PARD3B: variants seen among roughly 807,000 people sequenced by gnomAD.
PARD3B encodes par-3 family cell polarity regulator beta.
In PARD3B, 103 loss-of-function variants were observed where a neutral mutation model predicts 130.2. The observed-to-expected ratio is 0.79, with a 90% CI of 0.67 to 0.93. The LOEUF is 0.93. Ranked by LOEUF, PARD3B falls within the 40% of genes least tolerant of loss-of-function variation. PARD3B has a pLI of 0.00. For missense variants in PARD3B, 1,609 were observed against 1,499.2 expected, an observed-to-expected ratio of 1.07 and a Z score of -1.21; for synonymous variants, 583 against 553.2, an observed-to-expected ratio of 1.05 and a Z score of -0.76.
At chr2:205,604,415 G>T (rs13006538) in intron 22 of PARD3B, among the ~76,000 whole-genome samples, 42,860 of 152,032 alleles carry the variant, frequency 0.28, 6,666 homozygotes, top group Middle Eastern at 0.37. Context: ...CATCATATCT[G>T]ATGAGACTTA....
chr2:204,598,849 T>C (rs2033399425), intron 1 of PARD3B, among the ~76,000 whole-genome samples: 1 of 152,082 alleles, frequency 6.6e-6, no homozygotes, highest in Non-Finnish European at 1.5e-5. Flanking sequence ...TTTAGAACTT[T>C]GATATAGTCT....
intron 22 of PARD3B, among the ~76,000 whole-genome samples, chr2:205,583,612 C>A (rs1447720915): frequency 6.6e-6 from 1 of 152,136 alleles, no homozygotes; most frequent in Non-Finnish European, 1.5e-5. Flanking sequence ...ATGTTGGTTC[C>A]ATTATTTATC....
chr2:205,455,889 T>C (rs989514397), intron 20 of PARD3B, among the ~76,000 whole-genome samples: 1 of 152,030 alleles, frequency 6.6e-6, no homozygotes, highest in South Asian at 2.1e-4. Context: ...AGTCAAGATA[T>C]AGAACTATTT....
At chr2:205,453,814 A>C (rs1384474936) in intron 20 of PARD3B, among the ~76,000 whole-genome samples, 1 of 152,214 alleles carries the variant, frequency 6.6e-6, no homozygotes, top group African/African-American at 2.4e-5. Context: ...TTTTTGTTGC[A>C]GTTGTACATG....
chr2:204,650,195 A>G (rs962016521), intron 1 of PARD3B, among the ~76,000 whole-genome samples: 3 of 152,198 alleles, frequency 2.0e-5, no homozygotes, highest in Non-Finnish European at 2.9e-5. Flanking sequence ...CAAAACCACA[A>G]TGAGATACCA....
chr2:205,574,414 G>T lies in PARD3B; in HGVS notation c.3260+21011G>T, dbSNP rs368726673. Among the ~76,000 whole-genome samples, 7 of 152,256 alleles carry T rather than the reference G, an allele frequency of 4.6e-5. No homozygotes were observed. The East Asian group carries it at 1.4e-3, about 29-fold the overall frequency. On this transcript the variant is annotated intron_variant, in intron 22 of 22. Transcript: ENST00000406610. ...CCATGAACTATGCCATCTATGCTAC[G>T]CCATCTGTGTGGCTATGCCCATGTA...
intron 2 of PARD3B, among the ~76,000 whole-genome samples, chr2:204,903,680 T>C (rs556817718): frequency 6.6e-6 from 1 of 152,316 alleles, no homozygotes; most frequent in South Asian, 2.1e-4. Flanking sequence ...ATTAATATGA[T>C]TGAGACTATC....
chr2:205,332,676 C>T (rs1008440217), intron 18 of PARD3B, among the ~76,000 whole-genome samples: 10 of 152,134 alleles, frequency 6.6e-5, no homozygotes, highest in African/African-American at 2.4e-4. Flanking sequence ...AAGACGGCTT[C>T]CCCTCTTCTC....
chr2:204,553,166 T>C (rs1480668945), intron 1 of PARD3B, among the ~76,000 whole-genome samples: 2 of 151,968 alleles, frequency 1.3e-5, no homozygotes, highest in African/African-American at 4.8e-5. Context: ...ATGCTCAACA[T>C]CACTAATGAT....
intron 2 of PARD3B, among the ~76,000 whole-genome samples, chr2:204,855,538 C>T (rs2044893780): frequency 7.5e-6 from 1 of 133,946 alleles, no homozygotes; most frequent in Admixed American, 7.3e-5. Context: ...AAGACTCCCT[C>T]TAAAAGAAAA....
At chr2:204,795,738 T>C (rs966681025) in intron 2 of PARD3B, among the ~76,000 whole-genome samples, 9 of 152,230 alleles carry the variant, frequency 5.9e-5, no homozygotes, top group African/African-American at 1.4e-4. Flanking sequence ...GAGACAATTA[T>C]AGGCACCAGT....
intron 21 of PARD3B, among the ~76,000 whole-genome samples, chr2:205,531,672 T>A (rs1218056962): frequency 6.6e-6 from 1 of 151,858 alleles, no homozygotes; most frequent in African/African-American, 2.4e-5. Context: ...GGAGAGAGAC[T>A]GGATATGAAA....
intron 3 of PARD3B, among the ~76,000 whole-genome samples, chr2:205,042,000 GGA>G (rs1267899826): frequency 6.6e-6 from 1 of 152,064 alleles, no homozygotes; most frequent in African/African-American, 2.4e-5. Context: ...AGAGGGAGAG[GGA>G]GAGTGTGATT....
At chr2:205,054,041 T>C (rs1157758359) in intron 4 of PARD3B, among the ~76,000 whole-genome samples, 1 of 152,064 alleles carries the variant, frequency 6.6e-6, no homozygotes, top group African/African-American at 2.4e-5. Flanking sequence ...TTTTAAGAGA[T>C]AAAGCTGCCA....
chr2:204,998,358 A>ATACATATATATATATATATATATG (rs1400529301), intron 3 of PARD3B, among the ~76,000 whole-genome samples: 1 of 69,874 alleles, frequency 1.4e-5, no homozygotes, highest in Non-Finnish European at 2.6e-5. Flanking sequence ...ATATATATAT[A>ATACATATATATATATATATATATG]TGTGTGTGTG....
chr2:205,202,610 A>T (rs112142248), intron 15 of PARD3B, among the ~76,000 whole-genome samples: 2,350 of 152,244 alleles, frequency 0.015, 47 homozygotes, highest in African/African-American at 0.039. Flanking sequence ...ACTTAGCTGC[A>T]CTCTTTTATA....
chr2:205,014,021 C>G (rs769905165), intron 3 of PARD3B, among the ~76,000 whole-genome samples: 7 of 152,182 alleles, frequency 4.6e-5, no homozygotes, highest in Non-Finnish European at 1.0e-4. Flanking sequence ...GCCCACCTGC[C>G]AGCTCTGCTA....
chr2:204,644,279 C>G (rs1392947898), intron 1 of PARD3B, among the ~76,000 whole-genome samples: 3 of 149,166 alleles, frequency 2.0e-5, no homozygotes, highest in Non-Finnish European at 4.5e-5. Flanking sequence ...AGGACAAGGA[C>G]AGTCATTTAT....
At chr2:205,179,563 A>T (rs2035672488) in intron 13 of PARD3B, among the ~76,000 whole-genome samples, 1 of 152,202 alleles carries the variant, frequency 6.6e-6, no homozygotes, top group South Asian at 2.1e-4. Flanking sequence ...TGTAGTATTC[A>T]GTAAATGCTA....
Sources: gnomAD v4.1 joint callset for allele counts (sites outside exome capture counted in the v4.1 genomes callset) on GRCh38, gnomAD v4.1.1 for gene constraint, MANE v1.5 for transcripts, NCBI Gene and HGNC (gene_info 2026-07-23, HGNC 2026-07-21) for gene names.